The following RREB1 variants were observed in gnomAD, a reference collection of about 807,000 sequenced individuals.
The protein encoded by RREB1 is ras responsive element binding protein 1.
In RREB1, 27 loss-of-function variants were observed where a neutral mutation model predicts 117.8. That is an observed-to-expected ratio of 0.23 (90% confidence interval 0.17 to 0.32). RREB1 has a LOEUF of 0.32. Among genes scored for constraint, RREB1 ranks in the 10% least tolerant of loss-of-function variants. RREB1 has a pLI of 1.00. For missense variants in RREB1, 2,577 were observed against 2,378.2 expected, an observed-to-expected ratio of 1.08 and a Z score of -1.74; for synonymous variants, 1,298 against 1,026.7, an observed-to-expected ratio of 1.26 and a Z score of -5.05.
chr6:7,222,840 T>C (rs1433707695), intron 8 of RREB1, among the ~76,000 whole-genome samples: 1 of 152,088 alleles, frequency 6.6e-6, no homozygotes, highest in African/African-American at 2.4e-5. Flanking sequence ...CAGTAAATTC[T>C]AAATCTAATT....
chr6:7,109,053 C>A (rs1581390751), intron 1 of RREB1, among the ~76,000 whole-genome samples: 3 of 151,702 alleles, frequency 2.0e-5, no homozygotes, highest in Admixed American at 1.3e-4. Flanking sequence ...GGCGCCGTCA[C>A]GAGCACAGGA....
chr6:7,179,885 G>A (rs890314258), intron 2 of RREB1, among the ~76,000 whole-genome samples: 1 of 151,878 alleles, frequency 6.6e-6, no homozygotes, highest in East Asian at 1.9e-4. Context: ...TCCTGGGTTC[G>A]AGTTGACCCT....
intron 1 of RREB1, among the ~76,000 whole-genome samples, chr6:7,134,287 A>G (rs751011154): frequency 1.3e-5 from 2 of 152,238 alleles, no homozygotes; most frequent in African/African-American, 2.4e-5. Flanking sequence ...GTTACTGATG[A>G]AAAACAAATT....
intron 2 of RREB1, among the ~76,000 whole-genome samples, 172 bp downstream of exon 2, chr6:7,176,945 G>A (rs1764526099): frequency 1.3e-5 from 2 of 151,944 alleles, no homozygotes; most frequent in Admixed American, 1.3e-4. Context: ...GGCCAGACAT[G>A]GTGGCTCACA....
chr6:7,121,521 C>T (rs570244080), intron 1 of RREB1, among the ~76,000 whole-genome samples: 2 of 152,254 alleles, frequency 1.3e-5, no homozygotes, highest in East Asian at 1.9e-4. Context: ...TTTGCTTGAC[C>T]TGTAATCTGT....
At chr6:7,152,012 A>G (rs1763147371) in intron 1 of RREB1, among the ~76,000 whole-genome samples, 1 of 152,220 alleles carries the variant, frequency 6.6e-6, no homozygotes, top group Non-Finnish European at 1.5e-5. Flanking sequence ...TATTCTCACT[A>G]TATTTCCCTT....
At chr6:7,169,077 A>G (rs562261852) in intron 1 of RREB1, among the ~76,000 whole-genome samples, 3 of 152,370 alleles carry the variant, frequency 2.0e-5, no homozygotes, top group South Asian at 4.1e-4. Flanking sequence ...GTATACTCTG[A>G]CTTGAATCCT....
At chr6:7,222,555 C>T (rs1478050325) in intron 8 of RREB1, among the ~76,000 whole-genome samples, 6 of 152,126 alleles carry the variant, frequency 3.9e-5, no homozygotes, top group African/African-American at 2.4e-5. Flanking sequence ...TATTGTCATG[C>T]CTTCATCACC....
At chr6:7,143,232 A>C (rs1019509052) in intron 1 of RREB1, among the ~76,000 whole-genome samples, 6 of 152,230 alleles carry the variant, frequency 3.9e-5, no homozygotes, top group Admixed American at 3.9e-4. Flanking sequence ...ATGGGCCTTC[A>C]GCACTGGCAG....
At chr6:7,232,193 C>G (rs1054219695) in intron 10 of RREB1, among the ~76,000 whole-genome samples, 1 of 152,232 alleles carries the variant, frequency 6.6e-6, no homozygotes, top group Non-Finnish European at 1.5e-5. Flanking sequence ...CCTCAGATCA[C>G]TCATGGCGTC....
chr6:7,128,522 C>G (rs765023623), intron 1 of RREB1, among the ~76,000 whole-genome samples: 2 of 152,168 alleles, frequency 1.3e-5, no homozygotes, highest in Non-Finnish European at 2.9e-5. Context: ...TTTTTAAAGA[C>G]AGGAAACTGA....
In RREB1 at chr6:7,230,351, C is replaced by T. The variant is rs141939002; in HGVS notation, c.2252C>T (p.Pro751Leu). ...AAELVDAFCA[P>L]DTVCRLCGED... ...GAGCTGGTGGACGCCTTCTGCGCCC[C>T]GGACACCGTGTGCCGGCTGTGCGGC... The change falls in exon 10 of 13, where the codon CCG becomes CTG. Residue 751 changes from proline to leucine, a missense_variant. Transcript: ENST00000379938. 11 of 1,591,180 alleles carry T rather than the reference C, an allele frequency of 6.9e-6. No individual in the cohort carries two copies. Among genetic ancestry groups the T allele is most frequent in the East Asian group, 2.2e-5 (1 of 44,658 alleles).
intron 8 of RREB1, chr6:7,219,238 C>A (rs1419233504): frequency 6.6e-6 from 1 of 151,976 alleles, no homozygotes; most frequent in Non-Finnish European, 1.5e-5. Context: ...CCACTGCACT[C>A]CCTCCTGGCT....
intron 11 of RREB1, among the ~76,000 whole-genome samples, chr6:7,240,886 G>T (rs1044519512): frequency 2.0e-5 from 3 of 152,142 alleles, no homozygotes; most frequent in Non-Finnish European, 4.4e-5. Flanking sequence ...GGCAGAAGAG[G>T]CCTTTGTTCC....
intron 6 of RREB1, among the ~76,000 whole-genome samples, chr6:7,200,527 C>T (rs1765911638): frequency 6.6e-6 from 1 of 152,148 alleles, no homozygotes; most frequent in South Asian, 2.1e-4. Context: ...CCTCAGCCTC[C>T]CAAAGTGCTG....
rs761607859 is a variant in RREB1, at chr6:7,230,344, T to A, written c.2245T>A (p.Cys749Ser). 31 of 1,590,496 alleles carry A rather than the reference T, an allele frequency of 1.9e-5. No homozygotes were observed. The Admixed American group carries it at 4.7e-4, about 24-fold the overall frequency. ...SSAAELVDAF[C>S]APDTVCRLCG... ...CGCGGCCGAGCTGGTGGACGCCTTC[T>A]GCGCCCCGGACACCGTGTGCCGGCT... Residue 749 changes from cysteine (C) to serine (S), a missense_variant, in exon 10 of 13, where the codon TGC becomes AGC. Transcript: ENST00000379938.
intron 10 of RREB1, among the ~76,000 whole-genome samples, chr6:7,233,453 G>C (rs1187008711): frequency 2.0e-5 from 3 of 152,116 alleles, no homozygotes; most frequent in East Asian, 1.9e-4. Flanking sequence ...TTAATAAATA[G>C]ATAGGGCCTA....
intron 5 of RREB1, among the ~76,000 whole-genome samples, chr6:7,188,857 T>C (rs923636438): frequency 6.6e-6 from 1 of 152,174 alleles, no homozygotes; most frequent in Non-Finnish European, 1.5e-5. Flanking sequence ...AGTTAATATA[T>C]GTGGTCACTG....
At chr6:7,241,440 T>C (rs1051983568) in intron 11 of RREB1, among the ~76,000 whole-genome samples, 3 of 152,172 alleles carry the variant, frequency 2.0e-5, no homozygotes, top group African/African-American at 7.2e-5. Flanking sequence ...AGCATCATGG[T>C]GCTGGGTCCA....
Sources: allele counts gnomAD v4.1 joint callset (sites outside exome capture counted in the v4.1 genomes callset), GRCh38; gene constraint gnomAD v4.1.1; transcripts MANE v1.5; gene names NCBI Gene and HGNC (gene_info 2026-07-23, HGNC 2026-07-21).